CNTNAP4: variants seen among roughly 807,000 people sequenced by gnomAD.
The protein encoded by CNTNAP4 is contactin associated protein family member 4.
Under a neutral mutation model 148.4 loss-of-function variants are expected in CNTNAP4, and 98 were observed. That is an observed-to-expected ratio of 0.66 (90% confidence interval 0.56 to 0.78). CNTNAP4 has a LOEUF of 0.78. Ranked by LOEUF, CNTNAP4 falls within the 30% of genes least tolerant of loss-of-function variation. The pLI, the probability that CNTNAP4 is intolerant of heterozygous loss-of-function variation, is 0.00. For synonymous variants in CNTNAP4, 730 were observed against 565.1 expected (o/e 1.29, Z -4.14); for missense variants, 1,935 against 1,565.6 (o/e 1.24, Z -3.98).
intron 2 of CNTNAP4, among the ~76,000 whole-genome samples, chr16:76,333,652 G>A (rs1349535663): frequency 2.0e-5 from 3 of 151,440 alleles, no homozygotes; most frequent in Admixed American, 2.0e-4. Flanking sequence ...TCCTTTTTTT[G>A]CATGCATCAT....
At chr16:76,355,749 A>G (rs991615660) in intron 3 of CNTNAP4, among the ~76,000 whole-genome samples, 1 of 151,558 alleles carries the variant, frequency 6.6e-6, no homozygotes, top group Non-Finnish European at 1.5e-5. Flanking sequence ...AATAAACCCT[A>G]TTAGTCCATT....
Position 76,434,508 on chromosome 16 carries a change from A to G in CNTNAP4, c.538+6909A>G, listed in dbSNP as rs549320327. On this transcript the variant is annotated intron_variant, in intron 4 of 23. Coordinates refer to ENST00000611870, the MANE Select transcript of CNTNAP4 (RefSeq NM_033401.5). Reference sequence around the variant, plus strand: ...TTGCAATCACCACTTGATTAAGCTTACAATAATCCGCTGTCATTTTCCAAG... The same window carrying G: ...TTGCAATCACCACTTGATTAAGCTTGCAATAATCCGCTGTCATTTTCCAAG... Among the ~76,000 whole-genome samples, 5 of 152,228 alleles carry G rather than the reference A, an allele frequency of 3.3e-5. No individual in the cohort carries two copies. The East Asian group carries it at 7.7e-4, about 23-fold the overall frequency.
chr16:76,546,335 G>A (rs899705380), intron 21 of CNTNAP4, among the ~76,000 whole-genome samples: 1 of 152,148 alleles, frequency 6.6e-6, no homozygotes, highest in African/African-American at 2.4e-5. Flanking sequence ...GCAAGCAAGC[G>A]AAGCTTCATC....
intron 21 of CNTNAP4, 101 bp from the exon 22 acceptor site, chr16:76,553,182 A>G (rs1156851483): frequency 3.3e-6 from 2 of 608,044 alleles, no homozygotes; most frequent in African/African-American, 1.8e-5. Flanking sequence ...GGAATTTAGT[A>G]ACTTTATTGC....
rs1274491391 is a variant in CNTNAP4, at chr16:76,522,248, C to T, written c.2746C>T (p.Leu916Phe). 1.9e-6 allele frequency: 3 copies of T among 1,613,536 alleles called. No homozygotes were observed. The highest frequency in any genetic ancestry group is 2.5e-6 in the Non-Finnish European group (3 of 1,179,736). Residue 916 changes from leucine (L) to phenylalanine (F), a missense_variant, in exon 17 of 24, where the codon CTC becomes TTC. By Grantham distance (22) the Leu-to-Phe change is conservative. Transcript: ENST00000611870. ...TGTCCTGTTACAGCTCAACAGTCAG[C>T]TCTTCGTGGGTAAGTTCTCTTTTTA... Reference protein sequence around the residue: ...GHVLLQLNSQLFVGGTATRQR... With the variant: ...GHVLLQLNSQFFVGGTATRQR...
At chr16:76,344,445 T>C (rs774314428) in intron 2 of CNTNAP4, among the ~76,000 whole-genome samples, 10 of 152,230 alleles carry the variant, frequency 6.6e-5, no homozygotes, top group South Asian at 2.1e-4. Context: ...GTAAATGTAT[T>C]AGCAGATTTG....
chr16:76,390,504 G>A (rs960916495), intron 3 of CNTNAP4, among the ~76,000 whole-genome samples: 9 of 150,946 alleles, frequency 6.0e-5, no homozygotes, highest in East Asian at 1.9e-4. Context: ...CTCATCAGGC[G>A]TTCACAGCCA....
chr16:76,466,570 T>C (rs954396723), intron 9 of CNTNAP4, among the ~76,000 whole-genome samples: 1 of 152,078 alleles, frequency 6.6e-6, no homozygotes, highest in Non-Finnish European at 1.5e-5. Flanking sequence ...ATGTAATATA[T>C]GTATTCATAC....
At position 76,340,764 on chromosome 16, in the gene CNTNAP4, C is replaced by T. The variant is rs548029572; in HGVS notation, c.197-14554C>T. Among the ~76,000 whole-genome samples, 33 of 152,266 alleles carry T rather than the reference C, an allele frequency of 2.2e-4. No individual in the cohort carries two copies. The South Asian group carries it at 6.2e-3, about 29-fold the overall frequency. ...TAGTAGAACATTATATTTATTCAAGCGTGAGAACTCCTAACTCTGATTAAT... is the reference window on the plus strand; with the variant it reads ...TAGTAGAACATTATATTTATTCAAGTGTGAGAACTCCTAACTCTGATTAAT... On this transcript the variant is annotated intron_variant, in intron 2 of 23. Coordinates refer to ENST00000611870, the MANE Select transcript of CNTNAP4 (RefSeq NM_033401.5).
chr16:76,507,539 T>TG lies in CNTNAP4; in HGVS notation c.2365+8846dup, dbSNP rs2082874148. Among the ~76,000 whole-genome samples, 2 of 97,318 alleles carry TG rather than the reference T, an allele frequency of 2.1e-5. 1 individual carries two copies. The highest frequency in any genetic ancestry group is 8.2e-4 in the South Asian group (2 of 2,438). 63.8% of individuals were successfully genotyped at this position (97,318 alleles called of 152,430 possible). A position where few individuals can be genotyped will look rare whatever the true frequency, so the allele number is the denominator to read the frequency against. On this transcript the variant is annotated intron_variant, in intron 15 of 23. Transcript: ENST00000611870. ...TGACCTCCAGTTCCATCCATATTGT[T>TG]GCAAATGATGGATTCTCATTTTATA...
intron 3 of CNTNAP4, among the ~76,000 whole-genome samples, chr16:76,359,402 G>A (rs771974387): frequency 6.6e-6 from 1 of 152,044 alleles, no homozygotes; most frequent in African/African-American, 2.4e-5. Flanking sequence ...CAATCAACAC[G>A]GATTGAAATG....
chr16:76,427,524 C>A lies in CNTNAP4; in HGVS notation c.463C>A (p.Leu155Met). 2 of 1,613,174 alleles carry A rather than the reference C, an allele frequency of 1.2e-6. No individual in the cohort carries two copies. Among genetic ancestry groups the A allele is most frequent in the Non-Finnish European group, 1.7e-6 (2 of 1,179,450 alleles). ...CCAGCCTTCTATCAAAGCCAGATTT[C>A]TGCGCTTCATCCCTTTGGAATGGAA... ...RLQPSIKARF[L>M]RFIPLEWNPK... The change falls in exon 4 of 24, where the codon CTG becomes ATG. Residue 155 changes from leucine (L) to methionine (M), a missense_variant. Leu to Met is a conservative substitution (Grantham distance 15). Transcript: ENST00000611870.
At chr16:76,305,820 A>G (rs1014656442) in intron 1 of CNTNAP4, among the ~76,000 whole-genome samples, 6 of 151,756 alleles carry the variant, frequency 4.0e-5, no homozygotes, top group African/African-American at 1.5e-4. Context: ...CTTTCTCCCC[A>G]CTCAAGTAGT....
chr16:76,522,577 C>CCTTT (rs998330772), intron 17 of CNTNAP4, among the ~76,000 whole-genome samples: 5 of 146,204 alleles, frequency 3.4e-5, no homozygotes, highest in Admixed American at 7.0e-5. Context: ...CTGCCGCCCT[C>CCTTT]CTTTCTTTCT....
chr16:76,341,094 A>G (rs549870339), intron 2 of CNTNAP4, among the ~76,000 whole-genome samples: 1 of 152,204 alleles, frequency 6.6e-6, no homozygotes, highest in South Asian at 2.1e-4. Flanking sequence ...TGCTCTTTTT[A>G]TGGGAAAGCC....
chr16:76,552,793 G>T (rs761071261), intron 21 of CNTNAP4, among the ~76,000 whole-genome samples: 2 of 152,134 alleles, frequency 1.3e-5, no homozygotes, highest in Non-Finnish European at 2.9e-5. Context: ...AAAGCTTTCA[G>T]CCATAACAAA....
intron 2 of CNTNAP4, among the ~76,000 whole-genome samples, chr16:76,353,081 C>T (rs926376709): frequency 6.6e-6 from 1 of 152,050 alleles, no homozygotes. Flanking sequence ...TCTTTAAGAA[C>T]AAATACAGAG....
intron 3 of CNTNAP4, among the ~76,000 whole-genome samples, chr16:76,380,673 C>T (rs776792363): frequency 6.6e-6 from 1 of 152,018 alleles, no homozygotes; most frequent in Non-Finnish European, 1.5e-5. Context: ...TTGTAAGTAG[C>T]GATACTACCT....
At chr16:76,329,497 C>T (rs1240887831) in intron 2 of CNTNAP4, among the ~76,000 whole-genome samples, 1 of 152,300 alleles carries the variant, frequency 6.6e-6, no homozygotes, top group East Asian at 1.9e-4. Flanking sequence ...CCAAAGGCTA[C>T]TCTATAGATG....
Sources: gnomAD v4.1 joint callset for allele counts (sites outside exome capture counted in the v4.1 genomes callset) on GRCh38, gnomAD v4.1.1 for gene constraint, MANE v1.5 for transcripts, NCBI Gene and HGNC (gene_info 2026-07-23, HGNC 2026-07-21) for gene names.